Variants in ZNF521 observed in about 807,000 individuals in gnomAD.
ZNF521 encodes LYST-interacting protein 3.
Under a neutral mutation model 105.5 loss-of-function variants are expected in ZNF521, and 14 were observed. That is an observed-to-expected ratio of 0.13 (90% CI 0.09 to 0.21). ZNF521 has a LOEUF of 0.21. Among genes scored for constraint, ZNF521 ranks in the 10% least tolerant of loss-of-function variants. The probability of loss-of-function intolerance (pLI) is 1.00; values close to 1 mark genes in which losing one functional copy is unlikely to be tolerated. For synonymous variants in ZNF521, 635 were observed against 606.0 expected (o/e 1.05, Z -0.70); for missense variants, 1,233 against 1,629.7 (o/e 0.76, Z 4.19).
At chr18:25,065,225 G>A (rs796817334) in intron 7 of ZNF521, among the ~76,000 whole-genome samples, 10 of 152,176 alleles carry the variant, frequency 6.6e-5, no homozygotes, top group Admixed American at 2.0e-4. Flanking sequence ...AAGAAGATAC[G>A]ATAATACAGA....
intron 4 of ZNF521, among the ~76,000 whole-genome samples, chr18:25,195,806 C>A (rs1385226318): frequency 6.6e-6 from 1 of 151,734 alleles, no homozygotes; most frequent in African/African-American, 2.4e-5. Flanking sequence ...TGTACCTCAT[C>A]CTATAAAGAA....
At chr18:25,263,469 T>C in intron 3 of ZNF521, among the ~76,000 whole-genome samples, 1 of 152,196 alleles carries the variant, frequency 6.6e-6, no homozygotes, top group East Asian at 1.9e-4. Flanking sequence ...GGGATTTTCC[T>C]GCCTCAGCCT....
intron 3 of ZNF521, among the ~76,000 whole-genome samples, chr18:25,294,505 C>A (rs982931948): frequency 6.6e-6 from 1 of 152,062 alleles, no homozygotes; most frequent in Non-Finnish European, 1.5e-5. Context: ...TCAAATGTAA[C>A]GAAAATGTAC....
chr18:25,150,077 C>A (rs139124707), intron 5 of ZNF521, among the ~76,000 whole-genome samples: 4 of 152,272 alleles, frequency 2.6e-5, no homozygotes, highest in African/African-American at 9.6e-5. Context: ...TAGATAATAA[C>A]TAAATGAGTA....
At chr18:25,087,803 G>A (rs10401094) in intron 7 of ZNF521, among the ~76,000 whole-genome samples, 2,380 of 152,176 alleles carry the variant, frequency 0.016, 73 homozygotes, top group African/African-American at 0.054. Context: ...AGCGATACAA[G>A]GTAAGATAGT....
chr18:25,279,769 T>G (rs1910250621), intron 3 of ZNF521, among the ~76,000 whole-genome samples: 1 of 152,212 alleles, frequency 6.6e-6, no homozygotes, highest in South Asian at 2.1e-4. Flanking sequence ...CTTGGGGTTC[T>G]AATGACTAAC....
At chr18:25,176,456 C>T (rs1026477810) in intron 5 of ZNF521, among the ~76,000 whole-genome samples, 7 of 152,202 alleles carry the variant, frequency 4.6e-5, no homozygotes, top group African/African-American at 1.7e-4. Flanking sequence ...TGCAAAAACT[C>T]TGTGAAATCT....
intron 5 of ZNF521, among the ~76,000 whole-genome samples, chr18:25,141,729 C>G (rs1600085765): frequency 6.6e-6 from 1 of 152,068 alleles, no homozygotes; most frequent in Non-Finnish European, 1.5e-5. Context: ...AATTTAAAGC[C>G]TTTCTTGCCC....
In ZNF521 at chr18:25,227,334, G is replaced by A; in HGVS notation, c.584C>T (p.Thr195Ile). 6.2e-7 allele frequency: 1 copy of A among 1,614,192 alleles called. No individual in the cohort carries two copies. The highest frequency in any genetic ancestry group is 8.5e-7 in the Non-Finnish European group (1 of 1,180,026). Residue 195 changes from threonine to isoleucine, a missense_variant, in exon 4 of 8, where the codon ACT (threonine) becomes ATT (isoleucine). By Grantham distance (89) the Thr-to-Ile change is moderately conservative. Around this residue, in one of 6 missense-constraint regions of ZNF521, gnomAD observed 380 missense variants for 478.0 expected, o/e 0.80. Coordinates refer to ENST00000361524, the MANE Select transcript of ZNF521 (RefSeq NM_015461.3). The surrounding 1 kb of genome is among the most constrained non-coding windows in gnomAD (Gnocchi z 5.7). Reference protein sequence around the residue: ...RSDHLKIHLKTHTSNKPYKCA... With the variant: ...RSDHLKIHLKIHTSNKPYKCA... ...TTTATATGGCTTGTTGGACGTGTGA[G>A]TCTTTAAGTGGATCTTCAAGTGATC...
intron 3 of ZNF521, among the ~76,000 whole-genome samples, chr18:25,248,665 T>G (rs754332819): frequency 3.3e-5 from 5 of 152,210 alleles, no homozygotes; most frequent in Non-Finnish European, 7.3e-5. Flanking sequence ...CCCACTTACT[T>G]AATTAGTCAT....
At chr18:25,246,637 G>T (rs537677532) in intron 3 of ZNF521, among the ~76,000 whole-genome samples, 1 of 152,252 alleles carries the variant, frequency 6.6e-6, no homozygotes, top group African/African-American at 2.4e-5. Flanking sequence ...CTCTCTTAAA[G>T]TAACATTTTG....
chr18:25,258,846 T>C (rs1307770306), intron 3 of ZNF521, among the ~76,000 whole-genome samples: 3 of 152,170 alleles, frequency 2.0e-5, no homozygotes, highest in Non-Finnish European at 4.4e-5. Context: ...ACAGGGTAAG[T>C]GAAAATGTTC....
chr18:25,073,061 T>C (rs1219581619), intron 7 of ZNF521, among the ~76,000 whole-genome samples: 2 of 152,046 alleles, frequency 1.3e-5, no homozygotes, highest in Non-Finnish European at 2.9e-5. Context: ...TTGTCTGACA[T>C]TGTAATGTGT....
In ZNF521 at chr18:25,112,089, C is replaced by T. The variant is rs1268564824; in HGVS notation, c.3659-20008G>A. Among the ~76,000 whole-genome samples the T allele has an allele frequency of 2.0e-5, 3 of 152,308 alleles. No individual in the cohort carries two copies. In the East Asian group the frequency reaches 5.8e-4, roughly 29 times the overall value. On this transcript the variant is annotated intron_variant, in intron 5 of 7. Transcript: ENST00000361524. ...TCTGAAACAACCAGGCATGCTTTGG[C>T]ACATTCAGCCTGGGGCAAATGGCCT...
chr18:25,093,856 T>C (rs1247813961), intron 5 of ZNF521, among the ~76,000 whole-genome samples: 4 of 152,176 alleles, frequency 2.6e-5, no homozygotes, highest in Non-Finnish European at 5.9e-5. Flanking sequence ...TTTAAAATCC[T>C]GAAGTCACCA....
chr18:25,246,438 C>T (rs979194135), intron 3 of ZNF521, among the ~76,000 whole-genome samples: 1 of 152,142 alleles, frequency 6.6e-6, no homozygotes, highest in Non-Finnish European at 1.5e-5. Context: ...GAATCATTCT[C>T]TTATATAGAT....
intron 5 of ZNF521, among the ~76,000 whole-genome samples, chr18:25,170,619 T>C (rs868130922): frequency 2.3e-4 from 35 of 152,134 alleles, no homozygotes; most frequent in African/African-American, 8.4e-4. Flanking sequence ...CTATCTGTAA[T>C]GACACTTAGT....
chr18:25,167,998 C>T (rs2035377022), intron 5 of ZNF521, among the ~76,000 whole-genome samples: 1 of 152,282 alleles, frequency 6.6e-6, no homozygotes, highest in Non-Finnish European at 1.5e-5. Context: ...CCTAATGAAA[C>T]ATTATGCGGT....
intron 5 of ZNF521, 22 bp from the exon 6 acceptor site, chr18:25,092,103 G>A (rs757147174): frequency 8.1e-6 from 13 of 1,613,172 alleles, no homozygotes; most frequent in Non-Finnish European, 1.1e-5. Context: ...AACACATGAA[G>A]AGAAATGATG....
Sources: gnomAD v4.1 joint callset for allele counts (sites outside exome capture counted in the v4.1 genomes callset) on GRCh38, gnomAD v4.1.1 for gene constraint, gnomAD v4.1.1 regional missense constraint, Gnocchi (gnomAD v3.1) non-coding constraint, MANE v1.5 for transcripts, NCBI Gene and HGNC (gene_info 2026-07-23, HGNC 2026-07-21) for gene names.